Variants in KLF13 observed in about 807,000 individuals in gnomAD.
The protein encoded by KLF13 is Krueppel-like factor 13.
A neutral mutation model predicts 16.7 loss-of-function variants in KLF13; 8 were observed. The ratio of observed to expected loss-of-function variants is 0.48; its 90% CI spans 0.28 to 0.87. The LOEUF (loss-of-function observed/expected upper bound fraction) is 0.87, where lower values mean the gene tolerates loss of function less well. Ranked by LOEUF, KLF13 falls within the 40% of genes least tolerant of loss-of-function variation. KLF13 has a pLI of 0.10. For missense variants in KLF13, 447 were observed against 452.2 expected, an observed-to-expected ratio of 0.99 and a Z score of 0.10; for synonymous variants, 245 against 208.4, an observed-to-expected ratio of 1.18 and a Z score of -1.51.
chr15:31,336,439 G>A (rs1307420234), intron 1 of KLF13, among the ~76,000 whole-genome samples: 1 of 152,140 alleles, frequency 6.6e-6, no homozygotes, highest in Non-Finnish European at 1.5e-5. Context: ...GCATGGGTTA[G>A]CGAGACCTGA....
intron 1 of KLF13, among the ~76,000 whole-genome samples, 188 bp downstream of exon 1, chr15:31,327,977 G>T (rs894666395): frequency 2.0e-5 from 3 of 147,658 alleles, no homozygotes; most frequent in African/African-American, 7.4e-5. Context: ...GCGGGTCTTG[G>T]CTCTCGGAGC....
intron 1 of KLF13, among the ~76,000 whole-genome samples, chr15:31,434,815 A>G (rs2040511141): frequency 6.6e-6 from 1 of 152,216 alleles, no homozygotes; most frequent in Non-Finnish European, 1.5e-5. Flanking sequence ...GGCGCGCAGC[A>G]GCTTTTGCTC....
intron 2 of KLF13, among the ~76,000 whole-genome samples, chr15:31,399,972 C>T (rs1466251638): frequency 6.6e-6 from 1 of 152,226 alleles, no homozygotes; most frequent in Non-Finnish European, 1.5e-5. Flanking sequence ...TTGACTTCTG[C>T]TCTTCACCCA....
chr15:31,378,748 C>T (rs1442681374), downstream of KLF13, among the ~76,000 whole-genome samples: 1 of 152,150 alleles, frequency 6.6e-6, no homozygotes, highest in Admixed American at 6.5e-5. Flanking sequence ...TAGCCCCACT[C>T]GTTGCTGTCG....
intron 1 of KLF13, among the ~76,000 whole-genome samples, chr15:31,370,425 C>CTTT (rs58293460): frequency 5.5e-5 from 8 of 145,182 alleles, no homozygotes; most frequent in African/African-American, 2.0e-4. Context: ...GTTGTTTTTG[C>CTTT]TTTTTTTTTT....
At chr15:31,348,153 C>T (rs1299077268) in intron 1 of KLF13, among the ~76,000 whole-genome samples, 1 of 152,192 alleles carries the variant, frequency 6.6e-6, no homozygotes, top group Non-Finnish European at 1.5e-5. Flanking sequence ...GAAAGGACGC[C>T]ACTCCTCCTC....
intron 1 of KLF13, among the ~76,000 whole-genome samples, chr15:31,387,813 G>C (rs8042404): frequency 6.6e-6 from 1 of 152,082 alleles, no homozygotes; most frequent in East Asian, 1.9e-4. Context: ...ACAGATGTCC[G>C]TGACAGGGCT....
At chr15:31,349,878 C>A (rs2039189160) in intron 1 of KLF13, among the ~76,000 whole-genome samples, 1 of 152,198 alleles carries the variant, frequency 6.6e-6, no homozygotes, top group Admixed American at 6.5e-5. Context: ...AGCAGATGAG[C>A]TCAGATGTCC....
intron 1 of KLF13, among the ~76,000 whole-genome samples, chr15:31,329,100 G>A (rs1186889562): frequency 1.3e-5 from 2 of 152,102 alleles, no homozygotes; most frequent in African/African-American, 2.4e-5. Context: ...CTTTCCCCAG[G>A]GAGGCTTTTG....
rs2140970032 is a variant in KLF13 at position 31,374,842 on chromosome 15, T to G, written c.*2543T>G. The G allele has an allele frequency of 9.0e-6, 1 of 111,440 alleles. No individual in the cohort carries two copies. The highest frequency in any genetic ancestry group is 1.7e-5 in the Non-Finnish European group (1 of 58,388). 6.9% of individuals were successfully genotyped at this position (111,440 alleles called of 1,614,324 possible). A position where few individuals can be genotyped will look rare whatever the true frequency, so the allele number is the denominator to read the frequency against. On this transcript the variant is annotated 3_prime_UTR_variant, in exon 2 of 2. Coordinates refer to ENST00000307145, the MANE Select transcript of KLF13 (RefSeq NM_015995.4). ...GGAATAAAAAGAAGAGCTGGTTTGT[T>G]TTAGAGCAGGGCGGGGGGTGGGGGA...
At chr15:31,335,806 C>G (rs1025843320) in intron 1 of KLF13, among the ~76,000 whole-genome samples, 6 of 152,160 alleles carry the variant, frequency 3.9e-5, no homozygotes, top group African/African-American at 1.2e-4. Context: ...GGATGGGTGA[C>G]CCTGGGTCCC....
Position 31,385,156 on chromosome 15 carries a change from G to A in KLF13, n.224-50214G>A, listed in dbSNP as rs564388369. ...CCCCCACCAGACGCTGGATCTGTCC[G>A]CACCTTGATATTGGACTTCCCTGCC... On this transcript the variant is annotated intron_variant and non_coding_transcript_variant, in intron 1 of 1. Transcript: ENST00000558921. 5.3e-5 allele frequency among the ~76,000 whole-genome samples: 8 copies of A among 152,288 alleles called. No homozygotes were observed. In the South Asian group the frequency reaches 8.3e-4, roughly 16 times the overall value.
chr15:31,373,844 G>A lies in KLF13; in HGVS notation c.*1545G>A, dbSNP rs2039597710. On this transcript the variant is annotated 3_prime_UTR_variant, in exon 2 of 2. Transcript: ENST00000307145. The stretch of plus-strand genomic sequence containing the variant: ...TACAAGGGCCCAGGACAGAGTGTGT[G>A]CGTGCGTGTGGGTGTGTGCGCGCGT... 6.6e-6 allele frequency: 1 copy of A among 151,248 alleles called. No homozygotes were observed. The highest frequency in any genetic ancestry group is 1.5e-5 in the Non-Finnish European group (1 of 67,752). The allele number at this position is 151,248 out of a possible 1,614,324, so 9.4% of individuals were successfully genotyped here.
intron 2 of KLF13, among the ~76,000 whole-genome samples, chr15:31,400,013 C>T (rs551272300): frequency 9.2e-5 from 14 of 152,318 alleles, no homozygotes; most frequent in African/African-American, 3.1e-4. Flanking sequence ...GTGACTCAAA[C>T]CCTCAGGCTG....
intron 1 of KLF13, chr15:31,420,193 G>T: frequency 1.7e-6 from 1 of 592,416 alleles, no homozygotes; most frequent in Non-Finnish European, 3.2e-6. Context: ...GAGCCGAGCT[G>T]AGTGGGGGTG....
rs116325953 is a variant in KLF13, at chr15:31,332,011, T to G, written c.577+4222T>G. ...TGTGGTTATATGGCTGCATTGTAAC[T>G]TATTTACCCTTCACTTATGGAAAGG... is the stretch of plus-strand genomic sequence containing the variant. On this transcript the variant is annotated intron_variant, in intron 1 of 1. Transcript: ENST00000307145. Among the ~76,000 whole-genome samples, 1,178 of 152,372 alleles carry G rather than the reference T, an allele frequency of 7.7e-3. 24 individuals carry two copies. The highest frequency in any genetic ancestry group is 0.027 in the African/African-American group (1,104 of 41,576).
intron 1 of KLF13, among the ~76,000 whole-genome samples, chr15:31,387,326 A>G (rs1024442281): frequency 1.4e-4 from 21 of 152,250 alleles, no homozygotes; most frequent in Admixed American, 1.3e-3. Flanking sequence ...TCAGTCTGCA[A>G]CCATCAACAT....
At chr15:31,424,288 T>A (rs11638964) in intron 1 of KLF13, among the ~76,000 whole-genome samples, 106,806 of 152,046 alleles carry the variant, frequency 0.7, 38,432 homozygotes, top group African/African-American at 0.87. Flanking sequence ...AACTACAAAC[T>A]TCCCTGATTA....
intron 1 of KLF13, among the ~76,000 whole-genome samples, chr15:31,431,712 CCTCGG>C (rs2040474164): frequency 6.6e-6 from 1 of 152,236 alleles, no homozygotes; most frequent in Non-Finnish European, 1.5e-5. Context: ...GATCCTCCCG[CCTCGG>C]CCTCCCAAAG....
Sources: gnomAD v4.1 joint callset for allele counts (sites outside exome capture counted in the v4.1 genomes callset) on GRCh38, gnomAD v4.1.1 for gene constraint, MANE v1.5 for transcripts, NCBI Gene and HGNC (gene_info 2026-07-23, HGNC 2026-07-21) for gene names.